The following ANO10 variants were observed in gnomAD, a reference collection of about 807,000 sequenced individuals.
The protein encoded by ANO10 is anoctamin 10, also known as anoctamin-10.
A neutral mutation model predicts 74.7 loss-of-function variants in ANO10; 77 were observed. The ratio of observed to expected loss-of-function variants is 1.03; its 90% CI spans 0.86 to 1.25. The LOEUF is 1.25. ANO10 is among the 50% of genes most tolerant of loss of function. The probability of loss-of-function intolerance (pLI) is 0.00; values close to 1 mark genes in which losing one functional copy is unlikely to be tolerated. For missense variants in ANO10, 721 were observed against 778.1 expected (o/e 0.93, Z 0.87); for synonymous variants, 279 against 284.9 (o/e 0.98, Z 0.21).
upstream of ANO10, among the ~76,000 whole-genome samples, chr3:43,622,844 C>A: frequency 6.6e-6 from 1 of 152,274 alleles, no homozygotes; most frequent in East Asian, 1.9e-4. Context: ...CCTATTTCTT[C>A]TGTCCACCAC....
intron 11 of ANO10, among the ~76,000 whole-genome samples, chr3:43,543,493 C>T (rs1380024649): frequency 6.6e-6 from 1 of 152,188 alleles, no homozygotes; most frequent in East Asian, 1.9e-4. Flanking sequence ...GAATTCACGA[C>T]ATTCTCCTGC....
At chr3:43,515,568 C>T (rs143991594) in intron 11 of ANO10, among the ~76,000 whole-genome samples, 57 of 152,218 alleles carry the variant, frequency 3.7e-4, no homozygotes, top group African/African-American at 1.3e-3. Context: ...TCTATTGGTT[C>T]TATTTTTCTG....
intron 1 of ANO10, among the ~76,000 whole-genome samples, chr3:43,677,791 T>C (rs1241017527): frequency 6.6e-6 from 1 of 152,228 alleles, no homozygotes; most frequent in African/African-American, 2.4e-5. Context: ...GTCAGACTTT[T>C]GCCATAGTAT....
intron 1 of ANO10, among the ~76,000 whole-genome samples, chr3:43,641,324 C>G (rs75218883): frequency 0.014 from 2,152 of 152,268 alleles, 50 homozygotes; most frequent in African/African-American, 0.048. Flanking sequence ...TATCACTCTA[C>G]TTGGAGAAAA....
chr3:43,549,776 T>C lies in ANO10; in HGVS notation c.1741A>G (p.Asn581Asp), dbSNP rs2079372445. ...CALIGMSPQV[N>D]AVFPESKADL... ...GCTTTTGATTCTGGAAAGACTGCAT[T>C]CACTTGTGGTGACATTCCAATCAGC... Residue 581 changes from asparagine to aspartate, a missense_variant, in exon 11 of 13, where the codon AAT becomes GAT. By Grantham distance (23) the Asn-to-Asp change is conservative (BLOSUM62 1). Coordinates refer to ENST00000292246, the MANE Select transcript of ANO10 (RefSeq NM_018075.5). 2.5e-6 allele frequency: 4 copies of C among 1,614,062 alleles called. No homozygotes were observed. The highest frequency in any genetic ancestry group is 2.7e-5 in the African/African-American group (2 of 75,040).
chr3:43,633,792 G>A (rs904483712), intron 1 of ANO10, among the ~76,000 whole-genome samples: 26 of 151,922 alleles, frequency 1.7e-4, no homozygotes, highest in African/African-American at 5.3e-4. Flanking sequence ...CAGTCAGCAT[G>A]GGCTTCATAT....
chr3:43,649,479 G>C (rs111710049), intron 1 of ANO10, among the ~76,000 whole-genome samples: 3,336 of 152,252 alleles, frequency 0.022, 73 homozygotes, highest in African/African-American at 0.055. Flanking sequence ...TGAGTGTCCT[G>C]TCACACTTGC....
At chr3:43,508,215 A>G (rs2077369583) in intron 11 of ANO10, among the ~76,000 whole-genome samples, 1 of 152,240 alleles carries the variant, frequency 6.6e-6, no homozygotes, top group African/African-American at 2.4e-5. Flanking sequence ...CATCAAAATT[A>G]AAAACTTTTC....
chr3:43,527,320 G>A (rs1265190872), intron 11 of ANO10, among the ~76,000 whole-genome samples: 1 of 151,742 alleles, frequency 6.6e-6, no homozygotes. Context: ...AATGAACTAG[G>A]TATAAATCAA....
At chr3:43,392,611 A>AT (rs1427459253) in intron 12 of ANO10, among the ~76,000 whole-genome samples, 10 of 152,174 alleles carry the variant, frequency 6.6e-5, no homozygotes, top group Middle Eastern at 3.2e-3. Flanking sequence ...CCCCTTATAT[A>AT]TATGTGAGTA....
At chr3:43,680,433 GA>G (rs1175704085) in intron 1 of ANO10, among the ~76,000 whole-genome samples, 1 of 152,204 alleles carries the variant, frequency 6.6e-6, no homozygotes, top group African/African-American at 2.4e-5. Flanking sequence ...GGGACTATGT[GA>G]AAAGACCAAA....
chr3:43,387,987 A>G (rs144226794), intron 12 of ANO10, among the ~76,000 whole-genome samples: 77 of 152,216 alleles, frequency 5.1e-4, no homozygotes, highest in African/African-American at 1.7e-3. Context: ...TTGGATATTC[A>G]CCTTTCTTAG....
chr3:43,572,591 C>T (rs1231110183), intron 7 of ANO10, among the ~76,000 whole-genome samples: 1 of 152,162 alleles, frequency 6.6e-6, no homozygotes, highest in East Asian at 1.9e-4. Flanking sequence ...GCCAGATACA[C>T]AGAAGCAGGC....
At chr3:43,514,920 T>C (rs2077648541) in intron 11 of ANO10, among the ~76,000 whole-genome samples, 1 of 152,200 alleles carries the variant, frequency 6.6e-6, no homozygotes, top group Admixed American at 6.5e-5. Flanking sequence ...TATTTTGCAC[T>C]GAGTAAAAAT....
chr3:43,374,692 C>T (rs2091737346), intron 12 of ANO10, among the ~76,000 whole-genome samples: 1 of 152,130 alleles, frequency 6.6e-6, no homozygotes, highest in South Asian at 2.1e-4. Context: ...CCAATTTTGT[C>T]TTGTCACACC....
chr3:43,501,289 C>T lies in ANO10; in HGVS notation c.1797+48431G>A, dbSNP rs1397061840. ...AACAACCAGCTCCAGCAGGAACTAA[C>T]AGAGTGGGAAATCATTCGTTAGCAC... is the stretch of plus-strand genomic sequence containing the variant. On this transcript the variant is annotated intron_variant, in intron 11 of 12. Coordinates refer to ENST00000292246, the MANE Select transcript of ANO10 (RefSeq NM_018075.5). 2.6e-5 allele frequency among the ~76,000 whole-genome samples: 4 copies of T among 152,152 alleles called. No homozygotes were observed. In the South Asian group the frequency reaches 8.3e-4, roughly 32 times the overall value.
intron 12 of ANO10, among the ~76,000 whole-genome samples, chr3:43,386,666 T>TGG (rs774518858): frequency 2.0e-5 from 3 of 151,492 alleles, no homozygotes; most frequent in Non-Finnish European, 4.4e-5. Flanking sequence ...TGTGTGTGTG[T>TGG]GTGTGTGTGT....
At chr3:43,582,159 A>T (rs1383406992) in intron 4 of ANO10, among the ~76,000 whole-genome samples, 1 of 152,096 alleles carries the variant, frequency 6.6e-6, no homozygotes. Context: ...GAATAGAAAC[A>T]CAAAGTTTTT....
In ANO10 at chr3:43,574,815, AAC is replaced by A; in HGVS notation, c.1210_1211del (p.Val404PhefsTer71). 6.2e-7 allele frequency: 1 copy of A among 1,613,852 alleles called. No individual in the cohort carries two copies. Among genetic ancestry groups the A allele is most frequent in the Non-Finnish European group, 8.5e-7 (1 of 1,179,744 alleles). On this transcript the variant is annotated frameshift_variant, in exon 7 of 13. Transcript: ENST00000292246. LOFTEE classifies it high-confidence loss of function. ...SAYQNHLILK[V>X]LVFNFLNCFA... ...ACATAAACGCTGTACTTACCACTAA[AAC>A]TTTCAGAATTAGATGGTTCTGATAG...
Sources: gnomAD v4.1 joint callset for allele counts (sites outside exome capture counted in the v4.1 genomes callset) on GRCh38, gnomAD v4.1.1 for gene constraint, MANE v1.5 for transcripts, NCBI Gene and HGNC (gene_info 2026-07-23, HGNC 2026-07-21) for gene names.